XPR1: variants seen among roughly 807,000 people sequenced by gnomAD.
XPR1 encodes the protein solute carrier family 53 member 1.
In XPR1, 28 loss-of-function variants were observed where a neutral mutation model predicts 87.5. The observed-to-expected ratio is 0.32, with a 90% CI of 0.24 to 0.44. The LOEUF (loss-of-function observed/expected upper bound fraction) is 0.44. XPR1 is among the 20% of genes least tolerant of loss of function. XPR1 has a pLI of 1.00. For missense variants in XPR1, 559 were observed against 862.3 expected, an observed-to-expected ratio of 0.65 and a Z score of 4.41; for synonymous variants, 300 against 306.1, an observed-to-expected ratio of 0.98 and a Z score of 0.21.
At chr1:180,656,309 ATTATATATATAATAT>A (rs1294862460) in intron 1 of XPR1, among the ~76,000 whole-genome samples, 11 of 121,188 alleles carry the variant, frequency 9.1e-5, no homozygotes, top group South Asian at 2.2e-4. Context: ...ATAGTACTCC[ATTATATATATAATAT>A]TTATATATAT....
chr1:180,824,946 A>G lies in XPR1; in HGVS notation c.954+3A>G. Reference sequence around the variant, plus strand: ...TGTCTCATCAACATCTCTTTGAGGTAATCAAAGCAAGACATAACACCTCAT... The same window carrying G: ...TGTCTCATCAACATCTCTTTGAGGTGATCAAAGCAAGACATAACACCTCAT... On this transcript the variant is annotated splice_donor_region_variant and intron_variant, in intron 8 of 14. Coordinates refer to ENST00000367590, the MANE Select transcript of XPR1 (RefSeq NM_004736.4). The G allele has an allele frequency of 6.2e-7, 1 of 1,612,842 alleles. No homozygotes were observed. Among genetic ancestry groups the G allele is most frequent in the Non-Finnish European group, 8.5e-7 (1 of 1,179,534 alleles).
chr1:180,659,265 C>T, intron 1 of XPR1, among the ~76,000 whole-genome samples: 1 of 124,718 alleles, frequency 8.0e-6, no homozygotes, highest in Non-Finnish European at 1.7e-5. Flanking sequence ...TCCCTCCCTC[C>T]CTCCCTCCCT....
intron 2 of XPR1, among the ~76,000 whole-genome samples, chr1:180,694,767 TTG>T (rs747641482): frequency 1.3e-4 from 14 of 109,414 alleles, no homozygotes; most frequent in South Asian, 8.5e-4. Context: ...CTCCTGATTG[TTG>T]TGTGCACACA....
intron 13 of XPR1, among the ~76,000 whole-genome samples, chr1:180,874,650 GT>G (rs2102220178): frequency 6.6e-6 from 1 of 151,896 alleles, no homozygotes; most frequent in East Asian, 1.9e-4. Context: ...AGACTGCACT[GT>G]TGCACTCCAA....
intron 2 of XPR1, among the ~76,000 whole-genome samples, chr1:180,729,979 A>C (rs1464011981): frequency 1.3e-5 from 2 of 152,304 alleles, no homozygotes; most frequent in East Asian, 3.9e-4. Context: ...CTATGTCCAG[A>C]ATGGTATTTC....
At chr1:180,853,583 A>G (rs1651935496) in intron 11 of XPR1, among the ~76,000 whole-genome samples, 1 of 148,970 alleles carries the variant, frequency 6.7e-6, no homozygotes, top group Admixed American at 6.7e-5. Flanking sequence ...TGATTTTTTT[A>G]ATTGAAAACT....
intron 9 of XPR1, among the ~76,000 whole-genome samples, chr1:180,833,297 A>G (rs534548714): frequency 9.2e-5 from 14 of 152,364 alleles, no homozygotes; most frequent in Non-Finnish European, 1.8e-4. Flanking sequence ...AGGTAGTGTC[A>G]TAATGACAGC....
At chr1:180,754,896 A>G (rs1047732543) in intron 2 of XPR1, among the ~76,000 whole-genome samples, 3 of 144,016 alleles carry the variant, frequency 2.1e-5, no homozygotes, top group East Asian at 2.3e-4. Flanking sequence ...AGCCGAGCAC[A>G]TGGTGTTAAG....
Position 180,762,038 on chromosome 1 carries a change from G to A in XPR1, c.122-25715G>A, listed in dbSNP as rs367711098. Among the ~76,000 whole-genome samples, 74 of 147,872 alleles carry A rather than the reference G, an allele frequency of 5.0e-4. No individual in the cohort carries two copies. In the South Asian group the frequency reaches 0.01, roughly 21 times the overall value. ...TCGCAAGGACAAAAAACCAAACACC[G>A]CATGTTCTCACTCATAGGTGGGAAT... On this transcript the variant is annotated intron_variant, in intron 2 of 14. Coordinates refer to ENST00000367590, the MANE Select transcript of XPR1 (RefSeq NM_004736.4).
intron 2 of XPR1, among the ~76,000 whole-genome samples, chr1:180,770,805 T>G (rs968073416): frequency 6.6e-6 from 1 of 152,128 alleles, no homozygotes. Context: ...TCATTTTACA[T>G]TACTTTCTCT....
chr1:180,656,637 AAT>A (rs1418198940), intron 1 of XPR1, among the ~76,000 whole-genome samples: 6 of 107,062 alleles, frequency 5.6e-5, no homozygotes, highest in Non-Finnish European at 5.1e-5. Context: ...ATGTATGTAT[AAT>A]ATATTATTAT....
At chr1:180,734,526 G>T (rs1007542372) in intron 2 of XPR1, among the ~76,000 whole-genome samples, 5 of 152,076 alleles carry the variant, frequency 3.3e-5, no homozygotes, top group Admixed American at 6.6e-5. Context: ...GATCTGAGAG[G>T]CCTGATAGTT....
chr1:180,875,257 C>T (rs887568582), intron 13 of XPR1, among the ~76,000 whole-genome samples: 1 of 152,046 alleles, frequency 6.6e-6, no homozygotes, highest in Non-Finnish European at 1.5e-5. Context: ...TGCCTGTAAT[C>T]CCAGCATTTT....
In XPR1 at chr1:180,696,169, T is replaced by G. The variant is rs1213157282; in HGVS notation, c.121+13758T>G. Among the ~76,000 whole-genome samples the G allele has an allele frequency of 4.8e-4, 39 of 81,960 alleles. 1 individual carries two copies. The East Asian group carries it at 9.4e-3, about 20-fold the overall frequency. The allele number at this position is 81,960 out of a possible 152,430, so 53.8% of individuals were successfully genotyped here. On this transcript the variant is annotated intron_variant, in intron 2 of 14. Transcript: ENST00000367590. ...CCTTCGTTAAATTTATTCCTGGGTGTGTGTGTGTGTGTGTGTGTGTGTGTG... is the reference window on the plus strand; with the variant it reads ...CCTTCGTTAAATTTATTCCTGGGTGGGTGTGTGTGTGTGTGTGTGTGTGTG...
At chr1:180,695,413 T>TGTGTGC (rs894360264) in intron 2 of XPR1, among the ~76,000 whole-genome samples, 3 of 149,188 alleles carry the variant, frequency 2.0e-5, no homozygotes, top group African/African-American at 7.4e-5. Flanking sequence ...CCCATTTGTG[T>TGTGTGC]GTGTGTGTGT....
chr1:180,818,877 G>A (rs1650511005), intron 7 of XPR1, among the ~76,000 whole-genome samples: 1 of 152,122 alleles, frequency 6.6e-6, no homozygotes, highest in African/African-American at 2.4e-5. Context: ...TTAGATTTAT[G>A]TGCAATTGAA....
chr1:180,717,336 T>C (rs544587567), intron 2 of XPR1, among the ~76,000 whole-genome samples: 2 of 152,274 alleles, frequency 1.3e-5, no homozygotes, highest in African/African-American at 4.8e-5. Context: ...AATAGGAGAA[T>C]GTCATAGGCA....
At chr1:180,660,487 A>G (rs967609177) in intron 1 of XPR1, among the ~76,000 whole-genome samples, 1 of 152,136 alleles carries the variant, frequency 6.6e-6, no homozygotes, top group Admixed American at 6.5e-5. Flanking sequence ...ACTTATAGCT[A>G]TAAACTTTCC....
At chr1:180,664,705 A>C (rs1466406302) in intron 1 of XPR1, among the ~76,000 whole-genome samples, 1 of 152,322 alleles carries the variant, frequency 6.6e-6, no homozygotes, top group East Asian at 1.9e-4. Context: ...CTAGCACAGC[A>C]CAGGGTCCTG....
Sources: gnomAD v4.1 joint callset for allele counts (sites outside exome capture counted in the v4.1 genomes callset) on GRCh38, gnomAD v4.1.1 for gene constraint, MANE v1.5 for transcripts, NCBI Gene and HGNC (gene_info 2026-07-23, HGNC 2026-07-21) for gene names.